LSM1: variants seen among roughly 807,000 people sequenced by gnomAD.
LSM1 encodes LSM1 homolog, mRNA degradation associated.
A neutral mutation model predicts 18.0 loss-of-function variants in LSM1; 13 were observed. That is an observed-to-expected ratio of 0.72 (90% CI 0.47 to 1.15). LSM1 has a LOEUF of 1.15. Ranked by LOEUF, LSM1 falls within the 50% of genes most tolerant of loss-of-function variation. LSM1 has a pLI of 0.00. For missense variants in LSM1, 152 were observed against 157.7 expected, an observed-to-expected ratio of 0.96 and a Z score of 0.19; for synonymous variants, 46 against 56.0, an observed-to-expected ratio of 0.82 and a Z score of 0.80.
At chr8:38,174,979 G>A (rs1422330274) in intron 1 of LSM1, among the ~76,000 whole-genome samples, 4 of 141,064 alleles carry the variant, frequency 2.8e-5, no homozygotes, top group Non-Finnish European at 4.6e-5. Context: ...AGTCGAGATC[G>A]CGCCACTGCA....
chr8:38,173,128 G>T (rs1210594600), intron 1 of LSM1, among the ~76,000 whole-genome samples: 2 of 152,170 alleles, frequency 1.3e-5, no homozygotes, highest in Non-Finnish European at 2.9e-5. Flanking sequence ...CCAGTTACTA[G>T]CGCACCCAGC....
intron 3 of LSM1, 95 bp from the exon 4 acceptor site, chr8:38,163,935 A>G: frequency 9.1e-7 from 1 of 1,104,208 alleles, no homozygotes; most frequent in Non-Finnish European, 1.3e-6. Flanking sequence ...GGCTCAGATT[A>G]TTTTTCATAA....
chr8:38,172,022 C>A lies in LSM1; in HGVS notation c.58G>T (p.Val20Phe). The A allele has an allele frequency of 6.2e-7, 1 of 1,610,918 alleles. No homozygotes were observed. Among genetic ancestry groups the A allele is most frequent in the Non-Finnish European group, 8.5e-7 (1 of 1,178,868 alleles). ...AGTGTCCTTCCATCTCGAAGCAGAA[C>A]CAAGTGCTTTTCTGGGGAGAGAGGA... ...LIEDIDKKHL[V>F]LLRDGRTLIG... Residue 20 changes from valine (V) to phenylalanine (F), a missense_variant, in exon 2 of 4, where the codon GTT becomes TTT. Val to Phe is a conservative substitution (Grantham distance 50). Coordinates refer to ENST00000311351, the MANE Select transcript of LSM1 (RefSeq NM_014462.3).
upstream of LSM1, chr8:38,176,671 G>A (rs1803154842): frequency 1.6e-6 from 1 of 623,178 alleles, no homozygotes; most frequent in African/African-American, 1.9e-5. Context: ...TCGTCTCCGG[G>A]TTCCCGAGAC....
intron 1 of LSM1, among the ~76,000 whole-genome samples, chr8:38,173,348 G>A (rs770935102): frequency 6.6e-6 from 1 of 151,826 alleles, no homozygotes; most frequent in Non-Finnish European, 1.5e-5. Context: ...GATAATTTTA[G>A]GGCACAAGAA....
intron 3 of LSM1, among the ~76,000 whole-genome samples, chr8:38,168,035 C>T (rs1382863646): frequency 4.0e-5 from 6 of 151,408 alleles, no homozygotes; most frequent in Non-Finnish European, 5.9e-5. Flanking sequence ...GATCTCGACT[C>T]ACTGCAAGCT....
At chr8:38,171,478 C>A (rs750617242) in intron 2 of LSM1, among the ~76,000 whole-genome samples, 4 of 152,174 alleles carry the variant, frequency 2.6e-5, no homozygotes, top group Non-Finnish European at 5.9e-5. Flanking sequence ...ACCAGCCTGG[C>A]CAACATGGCG....
chr8:38,176,155 T>C (rs2130652305), intron 1 of LSM1, 120 bp downstream of exon 1: 2 of 764,766 alleles, frequency 2.6e-6, no homozygotes, highest in East Asian at 2.7e-5. Context: ...AACGCCCGGA[T>C]TGAGCTCAGA....
At chr8:38,170,871 A>T (rs2130644589) in intron 2 of LSM1, 1 of 267,298 alleles carries the variant, frequency 3.7e-6, no homozygotes, top group Admixed American at 4.1e-5. Context: ...AATTAGTACT[A>T]CTTGTCCTAT....
chr8:38,168,606 A>C (rs951874571), intron 3 of LSM1, among the ~76,000 whole-genome samples: 2 of 150,210 alleles, frequency 1.3e-5, no homozygotes, highest in East Asian at 2.0e-4. Context: ...AAAAAAAAAA[A>C]CCCAAAAAAC....
chr8:38,176,651 G>A, upstream of LSM1: 1 of 576,312 alleles, frequency 1.7e-6, no homozygotes, highest in Non-Finnish European at 2.9e-6. Context: ...AAGGAACACG[G>A]TGTCTTCCTT....
chr8:38,173,615 G>A (rs1485073610), intron 1 of LSM1, among the ~76,000 whole-genome samples: 2 of 152,058 alleles, frequency 1.3e-5, no homozygotes, highest in Non-Finnish European at 2.9e-5. Context: ...GAAGATGTGA[G>A]GTAAAGATGT....
At chr8:38,169,772 A>C in intron 3 of LSM1, 30 bp downstream of exon 3, 1 of 1,256,898 alleles carries the variant, frequency 8.0e-7, no homozygotes, top group Non-Finnish European at 1.2e-6. Context: ...GAATATGAAG[A>C]TCTACAGCAG....
chr8:38,169,061 T>TGCTG, intron 3 of LSM1, among the ~76,000 whole-genome samples: 1 of 152,322 alleles, frequency 6.6e-6, no homozygotes, highest in African/African-American at 2.4e-5. Flanking sequence ...AAGAAGACAG[T>TGCTG]GCTGGCTCAA....
At chr8:38,172,324 CT>C (rs66755601) in intron 1 of LSM1, among the ~76,000 whole-genome samples, 43,337 of 122,988 alleles carry the variant, frequency 0.35, 5,523 homozygotes, top group East Asian at 0.53. Context: ...TTCCTTTTTT[CT>C]TTTTTTTTTT....
At chr8:38,175,883 A>T in intron 1 of LSM1, 1 of 176,120 alleles carries the variant, frequency 5.7e-6, no homozygotes, top group Non-Finnish European at 1.2e-5. Flanking sequence ...TCCTCTCTCT[A>T]GGTATTCCGA....
intron 1 of LSM1, chr8:38,175,972 G>T: frequency 3.1e-6 from 1 of 321,072 alleles, no homozygotes; most frequent in Non-Finnish European, 5.8e-6. Context: ...CCCCTCCCCG[G>T]GCTTCTTTCG....
intron 3 of LSM1, among the ~76,000 whole-genome samples, chr8:38,167,165 T>A (rs898354214): frequency 6.6e-6 from 1 of 152,094 alleles, no homozygotes; most frequent in Non-Finnish European, 1.5e-5. Flanking sequence ...CATATTTTTT[T>A]AAAAAAGGGA....
chr8:38,165,359 AAAAC>A (rs773245836), intron 3 of LSM1, among the ~76,000 whole-genome samples: 11 of 151,966 alleles, frequency 7.2e-5, no homozygotes, highest in Non-Finnish European at 1.2e-4. Context: ...ATCTCAAAAA[AAAAC>A]AAAAAATTGT....
Sources: gnomAD v4.1 joint callset for allele counts (sites outside exome capture counted in the v4.1 genomes callset) on GRCh38, gnomAD v4.1.1 for gene constraint, MANE v1.5 for transcripts, NCBI Gene and HGNC (gene_info 2026-07-23, HGNC 2026-07-21) for gene names.